Variants in SRI observed in about 807,000 individuals in gnomAD.
The protein encoded by SRI is 22 kDa protein.
SRI carries 30 observed loss-of-function variants against 33.3 expected under a neutral mutation model. The ratio of observed to expected loss-of-function variants is 0.90; its 90% CI spans 0.67 to 1.22. The LOEUF is 1.22. Ranked by LOEUF, SRI falls within the 50% of genes most tolerant of loss-of-function variation. SRI has a pLI of 0.00. For missense variants in SRI, 243 were observed against 250.8 expected (o/e 0.97, Z 0.21); for synonymous variants, 75 against 89.9 (o/e 0.83, Z 0.94).
chr7:88,218,875 G>C lies in SRI; in HGVS notation c.119C>G (p.Ala40Gly). The C allele has an allele frequency of 6.2e-7, 1 of 1,614,100 alleles. No homozygotes were observed. ...QTQDPLYGYF[A>G]AVAGQDGQID... is the part of the protein sequence containing the mutation. ...AAAGCTAACCTGTCCAGCTACAGCA[G>C]CAAAGTAACCATACAGCGGATCCTG... The change falls in exon 2 of 8, where the codon GCT becomes GGT. Residue 40 changes from alanine to glycine, a missense_variant. By Grantham distance (60) the Ala-to-Gly change is moderately conservative. Coordinates refer to ENST00000265729, the MANE Select transcript of SRI (RefSeq NM_003130.4).
chr7:88,224,201 A>G (rs978857787), upstream of SRI, among the ~76,000 whole-genome samples: 3 of 152,230 alleles, frequency 2.0e-5, no homozygotes, highest in East Asian at 5.8e-4. Flanking sequence ...AGAGAATCCC[A>G]TTCTTTTGTG....
upstream of SRI, among the ~76,000 whole-genome samples, chr7:88,224,611 T>C (rs997934009): frequency 2.0e-5 from 3 of 152,198 alleles, no homozygotes; most frequent in Non-Finnish European, 2.9e-5. Flanking sequence ...CTTAAGATTG[T>C]TGGGAAAGAG....
chr7:88,225,322 G>A (rs1851972864), intron 1 of SRI, among the ~76,000 whole-genome samples: 1 of 152,074 alleles, frequency 6.6e-6, no homozygotes, highest in Admixed American at 6.5e-5. Flanking sequence ...GTAAATATAT[G>A]TGTGTATTTT....
At chr7:88,220,129 G>A, upstream of SRI, 3 of 1,359,866 alleles carry the variant, frequency 2.2e-6, no homozygotes, top group South Asian at 1.8e-5. Flanking sequence ...AGCGCACCAC[G>A]CGGGCGTGGG....
At chr7:88,210,315 A>G (rs1851544505) in intron 4 of SRI, 185 bp from the exon 5 acceptor site, 1 of 672,818 alleles carries the variant, frequency 1.5e-6, no homozygotes, top group South Asian at 1.8e-5. Flanking sequence ...TCAAGTGCCA[A>G]TTTTTACTGT....
intron 1 of SRI, among the ~76,000 whole-genome samples, chr7:88,219,656 G>C (rs1851833504): frequency 1.3e-5 from 2 of 150,020 alleles, no homozygotes; most frequent in African/African-American, 4.9e-5. Context: ...CGGGGGTGGG[G>C]TGGGGTGGGG....
At chr7:88,222,279 G>A (rs1851905361), upstream of SRI, among the ~76,000 whole-genome samples, 1 of 149,562 alleles carries the variant, frequency 6.7e-6, no homozygotes, top group Non-Finnish European at 1.5e-5. Context: ...TTCCACAATG[G>A]TTGAACTAGT....
chr7:88,208,564 G>A lies in SRI; in HGVS notation c.513C>T (p.Asp171=). ...ACCVKLRALT[D]SFRRRDTAQQ... Reference sequence around the variant, plus strand: ...GAGCAGTATCCCGTCTTCGAAAGCTGTCTGTAAAACAACACAGTAAAATTT... The same window carrying A: ...GAGCAGTATCCCGTCTTCGAAAGCTATCTGTAAAACAACACAGTAAAATTT... The change falls in exon 7 of 8, where the codon GAC becomes GAT. Residue 171 remains aspartate, a splice_region_variant and synonymous_variant. Transcript: ENST00000265729. 1 of 1,613,712 alleles carries A rather than the reference G, an allele frequency of 6.2e-7. No homozygotes were observed. Among genetic ancestry groups the A allele is most frequent in the Non-Finnish European group, 8.5e-7 (1 of 1,179,766 alleles).
At chr7:88,226,876 T>C in intron 1 of SRI, 1 of 1,606,570 alleles carries the variant, frequency 6.2e-7, no homozygotes, top group Non-Finnish European at 8.5e-7. Flanking sequence ...CTGCATGGAA[T>C]AGTCTAATAT....
At chr7:88,209,170 A>G (rs761752658) in intron 6 of SRI, 169 bp downstream of exon 6, 1 of 488,132 alleles carries the variant, frequency 2.0e-6, no homozygotes, top group Non-Finnish European at 3.6e-6. Context: ...TAAATTCTGG[A>G]AAAAAAACCA....
chr7:88,220,075 C>A, upstream of SRI: 1 of 1,488,504 alleles, frequency 6.7e-7, no homozygotes, highest in Non-Finnish European at 8.9e-7. Flanking sequence ...CAGGCCTCTC[C>A]GCCCCCTGCC....
At chr7:88,219,320 G>T (rs567251286) in intron 1 of SRI, 1 of 299,000 alleles carries the variant, frequency 3.3e-6, no homozygotes, top group East Asian at 8.6e-5. Context: ...TTTTATGAAC[G>T]ATGGAAGGCT....
chr7:88,225,540 T>G (rs1219538057), intron 1 of SRI, among the ~76,000 whole-genome samples: 1 of 152,200 alleles, frequency 6.6e-6, no homozygotes, highest in African/African-American at 2.4e-5. Context: ...ACTTAAACTT[T>G]ACCCAGCCAT....
upstream of SRI, among the ~76,000 whole-genome samples, chr7:88,221,519 G>A (rs1851887604): frequency 6.6e-6 from 1 of 152,086 alleles, no homozygotes; most frequent in Admixed American, 6.6e-5. Flanking sequence ...TAGATGTCAG[G>A]GCCGAACTCG....
At chr7:88,207,658 T>A (rs1386478093) in intron 7 of SRI, 1 of 152,250 alleles carries the variant, frequency 6.6e-6, no homozygotes, top group Non-Finnish European at 1.5e-5. Context: ...GGCCTTACCC[T>A]ACCCTTGTTT....
In SRI at chr7:88,206,329, C is replaced by T. The variant is rs559320403; in HGVS notation, c.*149G>A. On this transcript the variant is annotated 3_prime_UTR_variant, in exon 8 of 8. Coordinates refer to ENST00000265729, the MANE Select transcript of SRI (RefSeq NM_003130.4). ...ATTTATTATCAAAACTAAAACAAAACTTCAGTTGTACATAAAGTAATAAAC... is the reference window on the plus strand; with the variant it reads ...ATTTATTATCAAAACTAAAACAAAATTTCAGTTGTACATAAAGTAATAAAC... 1.1e-5 allele frequency: 10 copies of T among 907,852 alleles called. 1 individual carries two copies. In the South Asian group the frequency reaches 1.4e-4, roughly 13 times the overall value. 56.2% of individuals were successfully genotyped at this position (907,852 alleles called of 1,614,324 possible).
At chr7:88,217,050 G>T (rs1851741169) in intron 3 of SRI, 72 bp downstream of exon 3, 4 of 1,382,138 alleles carry the variant, frequency 2.9e-6, no homozygotes, top group Non-Finnish European at 4.1e-6. Flanking sequence ...CTTGAAGGCT[G>T]TAATCACAAG....
intron 7 of SRI, 140 bp downstream of exon 7, chr7:88,208,367 G>T: frequency 7.0e-7 from 1 of 1,424,254 alleles, no homozygotes; most frequent in Non-Finnish European, 9.2e-7. Flanking sequence ...AATTCTGGAT[G>T]ATAACTCTTT....
intron 2 of SRI, among the ~76,000 whole-genome samples, chr7:88,218,014 G>A (rs1359220233): frequency 1.3e-5 from 2 of 152,062 alleles, no homozygotes; most frequent in East Asian, 3.8e-4. Flanking sequence ...CTTAAAAGTG[G>A]TCTTAGGTTT....
Sources: allele counts gnomAD v4.1 joint callset (sites outside exome capture counted in the v4.1 genomes callset), GRCh38; gene constraint gnomAD v4.1.1; transcripts MANE v1.5; gene names NCBI Gene and HGNC (gene_info 2026-07-23, HGNC 2026-07-21).